The following ROR1 variants were observed in gnomAD, a reference collection of about 807,000 sequenced individuals.
The protein encoded by ROR1 is inactive tyrosine-protein kinase transmembrane receptor ROR1.
Under a neutral mutation model 78.8 loss-of-function variants are expected in ROR1, and 19 were observed. That is an observed-to-expected ratio of 0.24 (90% CI 0.17 to 0.35). The LOEUF is 0.35. Among genes scored for constraint, ROR1 ranks in the 10% least tolerant of loss-of-function variants. The pLI, the probability that ROR1 is intolerant of heterozygous loss-of-function variation, is 1.00. For synonymous variants in ROR1, 386 were observed against 433.6 expected (o/e 0.89, Z 1.36); for missense variants, 917 against 1,177.8 (o/e 0.78, Z 3.24).
intron 4 of ROR1, among the ~76,000 whole-genome samples, chr1:64,126,216 G>A (rs1299553576): frequency 6.6e-6 from 1 of 152,128 alleles, no homozygotes; most frequent in African/African-American, 2.4e-5. Flanking sequence ...GAAACTATAA[G>A]CTGTTCTTTA....
At chr1:63,847,207 T>C (rs1236636036) in intron 1 of ROR1, among the ~76,000 whole-genome samples, 1 of 152,064 alleles carries the variant, frequency 6.6e-6, no homozygotes, top group Admixed American at 6.5e-5. Context: ...GTGTTGTGGG[T>C]TTCTAGAGGG....
intron 1 of ROR1, among the ~76,000 whole-genome samples, chr1:63,938,165 G>C (rs1645808262): frequency 6.6e-6 from 1 of 152,072 alleles, no homozygotes; most frequent in African/African-American, 2.4e-5. Context: ...ATGTGTCTGT[G>C]CTTTATATGA....
chr1:64,178,530 C>A lies in ROR1; in HGVS notation c.2489C>A (p.Ala830Glu). 6.2e-7 allele frequency: 1 copy of A among 1,614,178 alleles called. No homozygotes were observed. The highest frequency in any genetic ancestry group is 8.5e-7 in the Non-Finnish European group (1 of 1,180,034). ...TACCCAATACCTCCTGGATATGCAGCGTTTCCAGCTGCCCACTACCAGCCA... is the reference window on the plus strand; with the variant it reads ...TACCCAATACCTCCTGGATATGCAGAGTTTCCAGCTGCCCACTACCAGCCA... ...NGYPIPPGYAAFPAAHYQPTG... is the reference protein window; with the variant it reads ...NGYPIPPGYAEFPAAHYQPTG... The change falls in exon 9 of 9, where the codon GCG (alanine) becomes GAG (glutamate). Residue 830 changes from alanine (A) to glutamate (E), a missense_variant. By Grantham distance (107) the Ala-to-Glu change is moderately radical. Transcript: ENST00000371079. This position sits in a 1 kb window ranked among gnomAD's most constrained non-coding sequence, Gnocchi z 4.3.
rs1461657239 is a variant in ROR1 at position 63,774,340 on chromosome 1, G to A, written c.-78G>A. The A allele has an allele frequency of 5.1e-6, 5 of 971,894 alleles. No individual in the cohort carries two copies. In the East Asian group the frequency reaches 1.5e-4, roughly 30 times the overall value. The allele number at this position is 971,894 out of a possible 1,614,324, so 60.2% of individuals were successfully genotyped here. On this transcript the variant is annotated 5_prime_UTR_variant, in exon 1 of 9. Transcript: ENST00000371079. This position sits in a 1 kb window ranked among gnomAD's most constrained non-coding sequence, Gnocchi z 5.7. ...CGCCAGCGGCCGGGACGAGGCGGCC[G>A]GGAGCCCGGGAAGAGCCCGTGGATG...
intron 1 of ROR1, among the ~76,000 whole-genome samples, chr1:63,815,473 C>CTTTTT (rs1557510128): frequency 9.4e-5 from 9 of 96,160 alleles, no homozygotes; most frequent in African/African-American, 5.3e-4. Context: ...CTTTTCTTTT[C>CTTTTT]TTTTCTTTTT....
At chr1:63,938,394 G>A (rs1645810136) in intron 1 of ROR1, among the ~76,000 whole-genome samples, 1 of 152,102 alleles carries the variant, frequency 6.6e-6, no homozygotes, top group African/African-American at 2.4e-5. Context: ...AATCTCCCAT[G>A]ATACTGAAGG....
intron 1 of ROR1, among the ~76,000 whole-genome samples, chr1:63,979,373 A>T (rs1249374830): frequency 6.6e-6 from 1 of 152,198 alleles, no homozygotes; most frequent in African/African-American, 2.4e-5. Flanking sequence ...AAGTTAAGGA[A>T]TCAGCAGAGA....
chr1:63,849,758 A>G (rs1044303749), intron 1 of ROR1, among the ~76,000 whole-genome samples: 8 of 152,158 alleles, frequency 5.3e-5, no homozygotes, highest in African/African-American at 1.9e-4. Flanking sequence ...TGTTTTTCCT[A>G]CCATCTCAGA....
intron 1 of ROR1, among the ~76,000 whole-genome samples, chr1:63,836,098 AT>A (rs1334664875): frequency 6.6e-6 from 1 of 152,214 alleles, no homozygotes; most frequent in Non-Finnish European, 1.5e-5. Context: ...AAACTATTGC[AT>A]TCCTTCCTCC....
chr1:63,787,316 A>G (rs1644694654), intron 1 of ROR1, among the ~76,000 whole-genome samples: 1 of 151,962 alleles, frequency 6.6e-6, no homozygotes, highest in Admixed American at 6.6e-5. Flanking sequence ...TTAGCCCAAC[A>G]CCTTTGCAAT....
Position 63,774,493 on chromosome 1 carries a change from G to A in ROR1, c.76G>A (p.Gly26Arg), listed in dbSNP as rs1191938206. ...GGCCGCGCTGCTGCTGGCCGCACGCGGGGCTGCTGCCCAAGGTAAGAGGCG... is the reference window on the plus strand; with the variant it reads ...GGCCGCGCTGCTGCTGGCCGCACGCAGGGCTGCTGCCCAAGGTAAGAGGCG... ...LLAALLLAAR[G>R]AAAQETELSV... The change falls in exon 1 of 9, where the codon GGG (glycine) becomes AGG (arginine). Residue 26 changes from glycine to arginine, a missense_variant. Around this residue, in one of 3 missense-constraint regions of ROR1, gnomAD observed 63 missense variants for 57.0 expected, o/e 1.10. Transcript: ENST00000371079. The surrounding 1 kb of genome is among the most constrained non-coding windows in gnomAD (Gnocchi z 5.7). 1.7e-6 allele frequency: 2 copies of A among 1,144,392 alleles called. No individual in the cohort carries two copies. The highest frequency in any genetic ancestry group is 1.6e-5 in the African/African-American group (1 of 60,792). The allele number at this position is 1,144,392 out of a possible 1,614,324, so 70.9% of individuals were successfully genotyped here. A position where few individuals can be genotyped will look rare whatever the true frequency, so the allele number is the denominator to read the frequency against.
chr1:64,125,142 G>C (rs1648666385), intron 4 of ROR1, among the ~76,000 whole-genome samples: 1 of 152,230 alleles, frequency 6.6e-6, no homozygotes, highest in South Asian at 2.1e-4. Context: ...TCAAATGTGT[G>C]AACACTAAAC....
chr1:63,921,633 T>C (rs1225536967), intron 1 of ROR1, among the ~76,000 whole-genome samples: 1 of 130,884 alleles, frequency 7.6e-6, no homozygotes, highest in Admixed American at 9.3e-5. Flanking sequence ...GAATGTACGC[T>C]ATCCTAGGAA....
chr1:64,148,286 C>T (rs1297546428), intron 7 of ROR1, among the ~76,000 whole-genome samples: 2 of 152,088 alleles, frequency 1.3e-5, no homozygotes, highest in South Asian at 2.1e-4. Flanking sequence ...GGACTCACAT[C>T]TGTACTCAGC....
rs1220206919 is a variant in ROR1, at chr1:64,140,382, A to G, written c.884A>G (p.Asn295Ser). ...LPQPESPEAA[N>S]CIRIGIPMAD... ...CAGCCAGAGAGCCCAGAAGCTGCGA[A>G]CTGTATCCGGATTGGAATTCCCATG... The change falls in exon 6 of 9, where the codon AAC becomes AGC. Residue 295 changes from asparagine (N) to serine (S), a missense_variant. Physicochemically the swap from Asn to Ser is conservative, Grantham distance 46. This residue lies in a region of ROR1 where 835 missense variants were observed against 1,069.8 expected (regional missense o/e 0.78). Coordinates refer to ENST00000371079, the MANE Select transcript of ROR1 (RefSeq NM_005012.4). 5 of 1,614,170 alleles carry G rather than the reference A, an allele frequency of 3.1e-6. No individual in the cohort carries two copies. The Admixed American group carries it at 5.0e-5, about 16-fold the overall frequency.
intron 1 of ROR1, among the ~76,000 whole-genome samples, chr1:63,997,682 A>G (rs1451804114): frequency 6.6e-6 from 1 of 152,030 alleles, no homozygotes; most frequent in South Asian, 2.1e-4. Flanking sequence ...AGGTTATGTT[A>G]AGACTCACCT....
At chr1:63,799,202 G>A (rs753990446) in intron 1 of ROR1, among the ~76,000 whole-genome samples, 1 of 152,026 alleles carries the variant, frequency 6.6e-6, no homozygotes, top group Non-Finnish European at 1.5e-5. Context: ...CGTAGTAGGT[G>A]TTCAAGTCAC....
intron 1 of ROR1, among the ~76,000 whole-genome samples, chr1:63,866,300 GA>G (rs1255949951): frequency 6.6e-6 from 1 of 152,064 alleles, no homozygotes; most frequent in African/African-American, 2.4e-5. Context: ...TTAGAATTCT[GA>G]ACAAAACCCT....
intron 2 of ROR1, among the ~76,000 whole-genome samples, chr1:64,024,480 CAAAAACA>C (rs897874924): frequency 2.6e-5 from 4 of 151,472 alleles, no homozygotes; most frequent in South Asian, 4.2e-4. Context: ...GACTCCATCT[CAAAAACA>C]AAAAACAAAA....
Sources: allele counts gnomAD v4.1 joint callset (sites outside exome capture counted in the v4.1 genomes callset), GRCh38; gene constraint gnomAD v4.1.1; regional missense constraint gnomAD v4.1.1; non-coding constraint Gnocchi (gnomAD v3.1); transcripts MANE v1.5; gene names NCBI Gene and HGNC (gene_info 2026-07-23, HGNC 2026-07-21).